RSPH3: variants seen among roughly 807,000 people sequenced by gnomAD.
RSPH3 encodes the protein radial spoke head protein 3 homolog.
RSPH3 carries 21 observed loss-of-function variants against 43.8 expected under a neutral mutation model. That is an observed-to-expected ratio of 0.48 (90% CI 0.34 to 0.69). The LOEUF (loss-of-function observed/expected upper bound fraction) is 0.69. Among genes scored for constraint, RSPH3 ranks in the 30% least tolerant of loss-of-function variants. The pLI is 0.01. For synonymous variants in RSPH3, 173 were observed against 179.8 expected, an observed-to-expected ratio of 0.96 and a Z score of 0.30; for missense variants, 487 against 516.0, an observed-to-expected ratio of 0.94 and a Z score of 0.54.
chr6:158,992,054 T>G (rs1778425320), intron 2 of RSPH3, among the ~76,000 whole-genome samples: 1 of 150,674 alleles, frequency 6.6e-6, no homozygotes, highest in Non-Finnish European at 1.5e-5. Flanking sequence ...AGCACTGTTT[T>G]TTTTTTTTTT....
chr6:158,972,531 T>C (rs10945586), downstream of RSPH3, among the ~76,000 whole-genome samples: 2,741 of 152,332 alleles, frequency 0.018, 34 homozygotes, highest in Admixed American at 0.025. Flanking sequence ...CACGAAATTA[T>C]GTATGAAGTT....
intron 2 of RSPH3, among the ~76,000 whole-genome samples, chr6:158,993,071 G>A (rs12190139): frequency 0.13 from 19,968 of 152,072 alleles, 2,037 homozygotes; most frequent in East Asian, 0.42. Flanking sequence ...TGAGAGTAAA[G>A]GTTTAGAAAT....
chr6:158,988,324 T>G (rs891618020), intron 2 of RSPH3: 1 of 152,256 alleles, frequency 6.6e-6, no homozygotes, highest in Non-Finnish European at 1.5e-5. Context: ...ATTCTTTTTT[T>G]GTCCTTGACC....
chr6:158,963,927 T>C, the RSPH3 span, among the ~76,000 whole-genome samples: 29 of 152,274 alleles, frequency 1.9e-4, no homozygotes, highest in African/African-American at 6.7e-4. Context: ...TAAATAACAA[T>C]GAAAACAATT....
intron 5 of RSPH3, among the ~76,000 whole-genome samples, chr6:158,981,665 C>T (rs1037657504): frequency 6.6e-6 from 1 of 152,116 alleles, no homozygotes; most frequent in Non-Finnish European, 1.5e-5. Flanking sequence ...AAGCCCTATG[C>T]TCTTTACACA....
intron 2 of RSPH3, among the ~76,000 whole-genome samples, chr6:158,988,713 C>T (rs538557777): frequency 8.5e-5 from 13 of 152,248 alleles, no homozygotes; most frequent in African/African-American, 2.6e-4. Flanking sequence ...ATGTATTACT[C>T]AGCTCCAAGA....
intron 3 of RSPH3, among the ~76,000 whole-genome samples, chr6:158,984,099 A>G (rs1778131326): frequency 6.6e-6 from 1 of 152,066 alleles, no homozygotes. Context: ...GTGTCACTGT[A>G]CTACAGCCTG....
Position 158,982,630 on chromosome 6 carries a change from A to G in RSPH3, c.551T>C (p.Ile184Thr), listed in dbSNP as rs759801751. Residue 184 changes from isoleucine to threonine, a missense_variant, in exon 5 of 8, where the codon ATT becomes ACT. Physicochemically the swap from Ile to Thr is moderately conservative, Grantham distance 89. Transcript: ENST00000367069. The part of the protein sequence containing the change: ...PVLEVLVGKT[I>T]EQSLLEVMEE... ...CATTACTTCCAGAAGAGACTGCTCA[A>G]TTGTCTTCCCCACCAAAACTTCTAA... The G allele has an allele frequency of 4.3e-6, 7 of 1,614,002 alleles. No homozygotes were observed. Among genetic ancestry groups the G allele is most frequent in the South Asian group, 1.1e-5 (1 of 91,072 alleles).
In RSPH3 at chr6:158,976,998, G is replaced by C. The variant is rs1432613828; in HGVS notation, c.*540C>G. 1 of 152,612 alleles carries C rather than the reference G, an allele frequency of 6.6e-6. No homozygotes were observed. Among genetic ancestry groups the C allele is most frequent in the African/African-American group, 2.4e-5 (1 of 41,398 alleles). 9.5% of individuals were successfully genotyped at this position (152,612 alleles called of 1,614,324 possible). Reference sequence around the variant, plus strand: ...CCTGGCTAATTTTGTATTTTTAGCAGAGATGGGGTTTCTCCTTGTTGGTCT... The same window carrying C: ...CCTGGCTAATTTTGTATTTTTAGCACAGATGGGGTTTCTCCTTGTTGGTCT... On this transcript the variant is annotated 3_prime_UTR_variant, in exon 8 of 8. Transcript: ENST00000367069.
At chr6:158,978,376 G>C (rs368424436) in intron 6 of RSPH3, 30 bp from the exon 7 acceptor site, 5 of 1,090,310 alleles carry the variant, frequency 4.6e-6, no homozygotes, top group Middle Eastern at 2.4e-4. Flanking sequence ...TGATTTTCAT[G>C]TATTATCAGA....
rs377691194 is a variant in RSPH3, at chr6:158,982,679, A to G, written c.502T>C (p.Phe168Leu). 2.0e-5 allele frequency: 33 copies of G among 1,612,714 alleles called. No individual in the cohort carries two copies. The African/African-American group carries it at 3.1e-4, about 15-fold the overall frequency. ...AACACTGGTTTAACTTCAAGATCAA[A>G]GTCAAAGAGCTTAAACATACAAAAT... is the stretch of plus-strand genomic sequence containing the variant. Reference protein sequence around the residue: ...TQILEGELFDFDLEVKPVLEV... With the variant: ...TQILEGELFDLDLEVKPVLEV... The change falls in exon 5 of 8, where the codon TTT becomes CTT. Residue 168 changes from phenylalanine (F) to leucine (L), a missense_variant. Phe to Leu is a conservative substitution (Grantham distance 22). Coordinates refer to ENST00000367069, the MANE Select transcript of RSPH3 (RefSeq NM_031924.8).
Position 158,982,485 on chromosome 6 carries a change from T to C in RSPH3, c.696A>G (p.Lys232=). The change falls in exon 5 of 8, where the codon AAA becomes AAG. Residue 232 remains lysine (K), a splice_region_variant and synonymous_variant. Coordinates refer to ENST00000367069, the MANE Select transcript of RSPH3 (RefSeq NM_031924.8). ...EEQERRHREE[K]ERRKKQQWEI... ...AGAAAGAAAATATAATTATATATACTTTTTCTTCTCGGTGTCGCCTCTCTT... is the reference window on the plus strand; with the variant it reads ...AGAAAGAAAATATAATTATATATACCTTTTCTTCTCGGTGTCGCCTCTCTT... 1.9e-6 allele frequency: 3 copies of C among 1,592,124 alleles called. No homozygotes were observed. Among genetic ancestry groups the C allele is most frequent in the Non-Finnish European group, 1.7e-6 (2 of 1,169,742 alleles).
intron 2 of RSPH3, among the ~76,000 whole-genome samples, chr6:158,992,148 T>A (rs1778431702): frequency 6.6e-6 from 1 of 151,512 alleles, no homozygotes. Flanking sequence ...CAACATTCTC[T>A]CTAACGTGGA....
chr6:158,966,053 C>A, the RSPH3 span, among the ~76,000 whole-genome samples: 5 of 151,942 alleles, frequency 3.3e-5, no homozygotes, highest in African/African-American at 4.8e-5. Flanking sequence ...ATATTCTTTT[C>A]TTTTAATTTT....
intron 2 of RSPH3, among the ~76,000 whole-genome samples, chr6:158,992,228 C>T (rs1778435291): frequency 6.8e-6 from 1 of 146,944 alleles, no homozygotes; most frequent in African/African-American, 2.5e-5. Context: ...GCCTCAGACT[C>T]CGATTCAGGG....
At chr6:158,999,287 G>A in intron 1 of RSPH3, 148 bp downstream of exon 1, 1 of 663,882 alleles carries the variant, frequency 1.5e-6, no homozygotes, top group Non-Finnish European at 2.3e-6. Flanking sequence ...CACCACGGGA[G>A]ATTCCTTAGG....
chr6:158,999,413 A>AG (rs766164255), intron 1 of RSPH3, 22 bp downstream of exon 1: 11 of 1,493,004 alleles, frequency 7.4e-6, no homozygotes, highest in Non-Finnish European at 8.0e-6. Flanking sequence ...TGGACCACAC[A>AG]GGGGCTGGCT....
chr6:158,976,516 T>A lies in RSPH3; in HGVS notation c.*1022A>T, dbSNP rs1007735784. The A allele has an allele frequency of 6.6e-6, 1 of 152,172 alleles. No individual in the cohort carries two copies. The highest frequency in any genetic ancestry group is 2.4e-5 in the African/African-American group (1 of 41,450). 9.4% of individuals were successfully genotyped at this position (152,172 alleles called of 1,614,324 possible). A position where few individuals can be genotyped will look rare whatever the true frequency, so the allele number is the denominator to read the frequency against. ...TATTTATATAAAGAAAATCAAGCTATATATTTCTAGATTTTCAAATACATT... is the reference window on the plus strand; with the variant it reads ...TATTTATATAAAGAAAATCAAGCTAAATATTTCTAGATTTTCAAATACATT... On this transcript the variant is annotated 3_prime_UTR_variant, in exon 8 of 8. Coordinates refer to ENST00000367069, the MANE Select transcript of RSPH3 (RefSeq NM_031924.8).
chr6:158,982,562 A>G lies in RSPH3; in HGVS notation c.619T>C (p.Tyr207His), dbSNP rs1778070368. 2 of 1,613,838 alleles carry G rather than the reference A, an allele frequency of 1.2e-6. No individual in the cohort carries two copies. The highest frequency in any genetic ancestry group is 1.7e-6 in the Non-Finnish European group (2 of 1,179,928). Residue 207 changes from tyrosine to histidine, a missense_variant, in exon 5 of 8, where the codon TAT (tyrosine) becomes CAT (histidine). By Grantham distance (83) the Tyr-to-His change is moderately conservative (BLOSUM62 2). Transcript: ENST00000367069. ...CGTTCACTATTCCGTAGTTCTTCAT[A>G]CTCACGCTGACTGGCCCGCAGGTTA... Reference protein sequence around the residue: ...LANLRASQREYEELRNSERAE... With the variant: ...LANLRASQREHEELRNSERAE...
Sources: allele counts gnomAD v4.1 joint callset (sites outside exome capture counted in the v4.1 genomes callset), GRCh38; gene constraint gnomAD v4.1.1; transcripts MANE v1.5; gene names NCBI Gene and HGNC (gene_info 2026-07-23, HGNC 2026-07-21).